The following ATG7 variants were observed in gnomAD, a reference collection of about 807,000 sequenced individuals.
ATG7 encodes the protein ubiquitin-like modifier-activating enzyme ATG7.
In ATG7, 70 loss-of-function variants were observed where a neutral mutation model predicts 82.4. That is an observed-to-expected ratio of 0.85 (90% CI 0.70 to 1.04). The LOEUF (loss-of-function observed/expected upper bound fraction) is 1.04. Among genes scored for constraint, ATG7 ranks in the 50% least tolerant of loss-of-function variants. The probability of loss-of-function intolerance (pLI) is 0.00; values close to 1 mark genes in which losing one functional copy is unlikely to be tolerated. For missense variants in ATG7, 792 were observed against 864.3 expected (o/e 0.92, Z 1.05); for synonymous variants, 287 against 313.0 (o/e 0.92, Z 0.88).
rs1414706401 is a variant in ATG7, at chr3:11,471,066, GC to G, written c.2079+44141del. ...TTCTCATTGACTAGAGCAGGCCCTA[GC>G]GAGCCCAGCCCTTAGTCTCTGTCCC... On this transcript the variant is annotated intron_variant, in intron 20 of 20. Transcript: ENST00000693202. 2.0e-5 allele frequency among the ~76,000 whole-genome samples: 3 copies of G among 152,222 alleles called. No homozygotes were observed. The East Asian group carries it at 5.8e-4, about 29-fold the overall frequency.
intron 20 of ATG7, among the ~76,000 whole-genome samples, chr3:11,485,899 A>G (rs2089574910): frequency 6.6e-6 from 1 of 152,088 alleles, no homozygotes; most frequent in East Asian, 1.9e-4. Flanking sequence ...CCATTGATCT[A>G]TATCTCTGTT....
chr3:11,334,803 C>G (rs892925280), intron 11 of ATG7, among the ~76,000 whole-genome samples: 2 of 151,384 alleles, frequency 1.3e-5, no homozygotes, highest in Non-Finnish European at 2.9e-5. Flanking sequence ...ACTAAAAATA[C>G]AAAAATGAGC....
intron 18 of ATG7, among the ~76,000 whole-genome samples, chr3:11,371,721 A>G (rs2077008031): frequency 6.6e-6 from 1 of 151,162 alleles, no homozygotes; most frequent in South Asian, 2.1e-4. Context: ...TGGCTTCTTG[A>G]TAGCATCACC....
chr3:11,474,427 C>A (rs1235861334), intron 20 of ATG7, among the ~76,000 whole-genome samples: 2 of 152,148 alleles, frequency 1.3e-5, no homozygotes, highest in South Asian at 2.1e-4. Flanking sequence ...TGGTGAGACT[C>A]TGGCTCTACA....
chr3:11,327,244 A>T (rs1175728111), intron 9 of ATG7, among the ~76,000 whole-genome samples: 1 of 152,226 alleles, frequency 6.6e-6, no homozygotes, highest in African/African-American at 2.4e-5. Flanking sequence ...CAAATATAAC[A>T]TGCATCCTGT....
chr3:11,383,741 TC>T (rs1330175311), intron 19 of ATG7, among the ~76,000 whole-genome samples: 1 of 152,166 alleles, frequency 6.6e-6, no homozygotes. Context: ...AGCCACCGCA[TC>T]CAGCCGTATC....
At chr3:11,571,780 T>C in the ATG7 span, among the ~76,000 whole-genome samples, 12 of 152,178 alleles carry the variant, frequency 7.9e-5, no homozygotes, top group Admixed American at 4.6e-4. Context: ...GCTCCATCTA[T>C]TGCGAGACAG....
In ATG7 at chr3:11,379,984, C is replaced by G; in HGVS notation, c.1888C>G (p.Leu630Val). 6.2e-7 allele frequency: 1 copy of G among 1,614,068 alleles called. No homozygotes were observed. Among genetic ancestry groups the G allele is most frequent in the Non-Finnish European group, 8.5e-7 (1 of 1,179,974 alleles). The change falls in exon 19 of 21, where the codon CTT becomes GTT. Residue 630 changes from leucine (L) to valine (V), a missense_variant. By Grantham distance (32) the Leu-to-Val change is conservative. Coordinates refer to ENST00000693202, the MANE Select transcript of ATG7 (RefSeq NM_001349232.2). ...GLVPHQIRGF[L>V]SRFDNVLPVS... is the part of the protein sequence containing the mutation. ...TGTTTGTTTTTAGATCCGGGGATTT[C>G]TTTCACGGTTTGATAATGTCCTTCC...
At chr3:11,401,829 A>G (rs938224637) in intron 19 of ATG7, among the ~76,000 whole-genome samples, 2 of 152,204 alleles carry the variant, frequency 1.3e-5, no homozygotes, top group Non-Finnish European at 2.9e-5. Flanking sequence ...TCTTTGCTCT[A>G]GGGTCTCAAC....
At chr3:11,276,155 T>C (rs932005298) in intron 1 of ATG7, among the ~76,000 whole-genome samples, 3 of 152,180 alleles carry the variant, frequency 2.0e-5, no homozygotes, top group African/African-American at 7.2e-5. Flanking sequence ...ATTCCTCTCC[T>C]CAACCTCCTA....
intron 10 of ATG7, among the ~76,000 whole-genome samples, chr3:11,331,847 T>C (rs1315221819): frequency 6.6e-6 from 1 of 152,210 alleles, no homozygotes; most frequent in African/African-American, 2.4e-5. Context: ...CCCAACATCA[T>C]GTCATTAAGG....
chr3:11,539,268 G>A (rs2070624447), intron 20 of ATG7, among the ~76,000 whole-genome samples: 2 of 152,164 alleles, frequency 1.3e-5, no homozygotes, highest in South Asian at 4.1e-4. Context: ...TCATTTCTCA[G>A]ATGAGAACAC....
intron 20 of ATG7, among the ~76,000 whole-genome samples, chr3:11,445,365 T>C (rs1169900261): frequency 1.3e-5 from 2 of 152,332 alleles, no homozygotes; most frequent in South Asian, 2.1e-4. Flanking sequence ...TGGAATACTA[T>C]GCAGCCATAA....
At chr3:11,503,755 CAAAAA>C (rs34065629) in intron 20 of ATG7, among the ~76,000 whole-genome samples, 204 of 76,958 alleles carry the variant, frequency 2.7e-3, no homozygotes, top group African/African-American at 8.8e-3. Context: ...GACTCTGTCT[CAAAAA>C]AAAAAAAAAA....
At chr3:11,318,594 T>A (rs1392810402) in intron 9 of ATG7, among the ~76,000 whole-genome samples, 1 of 152,210 alleles carries the variant, frequency 6.6e-6, no homozygotes, top group Non-Finnish European at 1.5e-5. Context: ...ACGTGTAAAT[T>A]TGATCATGTA....
In ATG7 at chr3:11,348,122, G is replaced by C. The variant is rs1005031919; in HGVS notation, c.1284+87G>C. ...TGAGGCCTGTGGCATTGAAGAAAGA[G>C]AGTCAGATATCTGTCACTTTCTACC... On this transcript the variant is annotated intron_variant, in intron 14 of 20. Transcript: ENST00000693202. 3.4e-5 allele frequency: 50 copies of C among 1,485,732 alleles called. No homozygotes were observed. The African/African-American group carries it at 6.3e-4, about 19-fold the overall frequency. The allele number at this position is 1,485,732 out of a possible 1,614,324, so 92.0% of individuals were successfully genotyped here. A position where few individuals can be genotyped will look rare whatever the true frequency, so the allele number is the denominator to read the frequency against.
chr3:11,315,111 G>T (rs1424884580), intron 8 of ATG7, among the ~76,000 whole-genome samples: 2 of 152,156 alleles, frequency 1.3e-5, no homozygotes, highest in Non-Finnish European at 2.9e-5. Context: ...CCATGTTGTA[G>T]TCCCTTTGTG....
intron 7 of ATG7, among the ~76,000 whole-genome samples, chr3:11,310,074 A>T (rs1254796149): frequency 6.6e-6 from 1 of 151,878 alleles, no homozygotes; most frequent in Non-Finnish European, 1.5e-5. Flanking sequence ...CTGAGGTGGG[A>T]GGATCATCTG....
intron 20 of ATG7, among the ~76,000 whole-genome samples, chr3:11,503,637 T>C (rs2091497235): frequency 6.7e-6 from 1 of 149,838 alleles, no homozygotes; most frequent in Non-Finnish European, 1.5e-5. Context: ...GTGCCTGTAA[T>C]CCCAGCTACT....
Sources: allele counts gnomAD v4.1 joint callset (sites outside exome capture counted in the v4.1 genomes callset), GRCh38; gene constraint gnomAD v4.1.1; transcripts MANE v1.5; gene names NCBI Gene and HGNC (gene_info 2026-07-23, HGNC 2026-07-21).